The following TMEM272 variants were observed in gnomAD, a reference collection of about 807,000 sequenced individuals.
TMEM272 encodes long intergenic non-protein coding RNA 282.
TMEM272 carries 8 observed loss-of-function variants against 3.7 expected under a neutral mutation model. That is an observed-to-expected ratio of 2.17 (90% CI 1.27 to 3.91). TMEM272 has a LOEUF of 3.91. TMEM272 is among the 30% of genes most tolerant of loss of function. TMEM272 has a pLI of 0.00. For synonymous variants in TMEM272, 63 were observed against 39.8 expected, an observed-to-expected ratio of 1.58 and a Z score of -2.20; for missense variants, 166 against 91.5, an observed-to-expected ratio of 1.81 and a Z score of -3.32.
At chr13:51,906,722 C>T in the TMEM272 span, among the ~76,000 whole-genome samples, 7 of 152,330 alleles carry the variant, frequency 4.6e-5, no homozygotes, top group East Asian at 1.4e-3. Flanking sequence ...GGCAGGCACT[C>T]CCCGGGATCC....
chr13:51,860,750 TATACAC>T, the TMEM272 span, among the ~76,000 whole-genome samples: 6 of 143,414 alleles, frequency 4.2e-5, no homozygotes, highest in African/African-American at 1.6e-4. Context: ...TATATATATA[TATACAC>T]ACACACACAC....
chr13:51,911,590 A>G, the TMEM272 span, among the ~76,000 whole-genome samples: 2 of 152,310 alleles, frequency 1.3e-5, no homozygotes, highest in East Asian at 1.9e-4. Flanking sequence ...CCAACTACCT[A>G]GCAAAATGTC....
At chr13:51,868,184 C>T in the TMEM272 span, among the ~76,000 whole-genome samples, 5 of 152,218 alleles carry the variant, frequency 3.3e-5, no homozygotes, top group African/African-American at 1.2e-4. Flanking sequence ...CTGTGCCTTG[C>T]CAACACTATG....
the TMEM272 span, among the ~76,000 whole-genome samples, chr13:51,912,693 A>T: frequency 6.6e-6 from 1 of 152,042 alleles, no homozygotes; most frequent in African/African-American, 2.4e-5. Context: ...AGTGGCACTG[A>T]CCTCGGTGTC....
intron 2 of TMEM272, among the ~76,000 whole-genome samples, chr13:51,833,252 G>C (rs1956187759): frequency 6.6e-6 from 1 of 152,202 alleles, no homozygotes; most frequent in Admixed American, 6.5e-5. Flanking sequence ...AGATCAGATG[G>C]AAACTAGATA....
At chr13:51,919,095 T>A in the TMEM272 span, among the ~76,000 whole-genome samples, 1 of 152,174 alleles carries the variant, frequency 6.6e-6, no homozygotes, top group Non-Finnish European at 1.5e-5. Context: ...AGGCCCTTGC[T>A]CGCCTCTGTG....
the TMEM272 span, among the ~76,000 whole-genome samples, chr13:51,854,576 G>C: frequency 6.6e-6 from 1 of 152,178 alleles, no homozygotes; most frequent in Non-Finnish European, 1.5e-5. Flanking sequence ...TTCTACTTTA[G>C]AGAGGTATGG....
the TMEM272 span, among the ~76,000 whole-genome samples, chr13:51,876,652 G>T: frequency 6.6e-6 from 1 of 152,142 alleles, no homozygotes; most frequent in African/African-American, 2.4e-5. Flanking sequence ...GGGAGCAATG[G>T]GTGGTGAGCA....
At chr13:51,908,843 T>G in the TMEM272 span, 1 of 1,436,936 alleles carries the variant, frequency 7.0e-7, no homozygotes, top group Non-Finnish European at 9.8e-7. Context: ...CCCACGGAGG[T>G]GACAGGGGCC....
At chr13:51,909,034 C>A in the TMEM272 span, 2 of 1,475,892 alleles carry the variant, frequency 1.4e-6, no homozygotes, top group South Asian at 2.3e-5. Flanking sequence ...TAGAGAAAAG[C>A]TCTCGTTTCA....
At chr13:51,921,335 C>G in the TMEM272 span, 1 of 152,236 alleles carries the variant, frequency 6.6e-6, no homozygotes, top group African/African-American at 2.4e-5. Context: ...TTCCACTGGG[C>G]TGGAAATTAC....
rs1008902965 is a variant in TMEM272 at position 51,816,988 on chromosome 13, G to A, written c.327C>T (p.Leu109=). The stretch of plus-strand genomic sequence containing the variant: ...AGAGGAAGAGGAAGAGGCTCAGCAG[G>A]AGGTGGATGTAGTATCTGTGCGCAT... The part of the protein sequence containing the change: ...RQNAHRYYIH[L]LLSLFLFLWF... The change falls in exon 5 of 5, where the codon CTC becomes CTT. Residue 109 remains leucine (L), a synonymous_variant. Transcript: ENST00000629372. The A allele has an allele frequency of 5.7e-6, 4 of 702,940 alleles. No homozygotes were observed. In the Admixed American group the frequency reaches 8.0e-5, roughly 14 times the overall value. The allele number at this position is 702,940 out of a possible 1,614,324, so 43.5% of individuals were successfully genotyped here. A position where few individuals can be genotyped will look rare whatever the true frequency, so the allele number is the denominator to read the frequency against.
chr13:51,861,887 C>T, the TMEM272 span: 5 of 152,462 alleles, frequency 3.3e-5, no homozygotes, highest in Admixed American at 6.5e-5. Flanking sequence ...CCCACCAGAA[C>T]ATGACTTCCT....
At chr13:51,907,153 G>A in the TMEM272 span, among the ~76,000 whole-genome samples, 5 of 152,160 alleles carry the variant, frequency 3.3e-5, no homozygotes, top group Admixed American at 6.5e-5. Context: ...GAGGCTTTAC[G>A]TGGCCTTGTG....
At chr13:51,870,963 G>T in the TMEM272 span, among the ~76,000 whole-genome samples, 3 of 152,146 alleles carry the variant, frequency 2.0e-5, no homozygotes, top group Non-Finnish European at 4.4e-5. Flanking sequence ...TGCAGAAGAT[G>T]GTGGTATCTC....
At chr13:51,833,618 G>A (rs750842644) in intron 2 of TMEM272, among the ~76,000 whole-genome samples, 1 of 152,150 alleles carries the variant, frequency 6.6e-6, no homozygotes, top group East Asian at 1.9e-4. Context: ...GGAAATGTGA[G>A]GGACAGAAAG....
the TMEM272 span, chr13:51,908,472 G>A: frequency 6.5e-7 from 1 of 1,530,000 alleles, no homozygotes; most frequent in Admixed American, 1.7e-5. Flanking sequence ...AGGAGGTGGA[G>A]GGAAAGGAGG....
At chr13:51,849,481 T>A (rs28485335), upstream of TMEM272, among the ~76,000 whole-genome samples, 11,183 of 152,296 alleles carry the variant, frequency 0.073, 1,138 homozygotes, top group African/African-American at 0.23. Flanking sequence ...TTGAGTTTTA[T>A]GTTATGTGTA....
the TMEM272 span, among the ~76,000 whole-genome samples, chr13:51,902,459 A>G: frequency 1.3e-5 from 2 of 152,276 alleles, no homozygotes; most frequent in Non-Finnish European, 2.9e-5. Flanking sequence ...GCAATGTTGC[A>G]GATTTAAAAA....
Sources: gnomAD v4.1 joint callset for allele counts (sites outside exome capture counted in the v4.1 genomes callset) on GRCh38, gnomAD v4.1.1 for gene constraint, MANE v1.5 for transcripts, NCBI Gene and HGNC (gene_info 2026-07-23, HGNC 2026-07-21) for gene names.